ENPP6: variants seen among roughly 807,000 people sequenced by gnomAD.
ENPP6 encodes the protein glycerophosphocholine cholinephosphodiesterase ENPP6.
A neutral mutation model predicts 42.0 loss-of-function variants in ENPP6; 32 were observed. The ratio of observed to expected loss-of-function variants is 0.76; its 90% CI spans 0.58 to 1.02. The LOEUF is 1.02. ENPP6 is among the 50% of genes least tolerant of loss of function. The pLI is 0.00. For missense variants in ENPP6, 552 were observed against 566.8 expected (o/e 0.97, Z 0.27); for synonymous variants, 213 against 216.0 (o/e 0.99, Z 0.12).
chr4:184,159,898 C>T (rs1921567), intron 1 of ENPP6, among the ~76,000 whole-genome samples: 44,998 of 152,048 alleles, frequency 0.3, 8,504 homozygotes, highest in Admixed American at 0.47. Flanking sequence ...TGAGAACATG[C>T]GATATTTGGT....
intron 5 of ENPP6, among the ~76,000 whole-genome samples, chr4:184,116,217 C>T (rs540032518): frequency 6.6e-5 from 10 of 152,090 alleles, no homozygotes; most frequent in Admixed American, 4.6e-4. Flanking sequence ...AGCGAGACTC[C>T]GTCTCAAAAA....
intron 2 of ENPP6, among the ~76,000 whole-genome samples, chr4:184,136,395 T>C (rs1320800419): frequency 6.6e-6 from 1 of 152,142 alleles, no homozygotes; most frequent in African/African-American, 2.4e-5. Context: ...GTATTATTAT[T>C]TATTTAAATT....
intron 1 of ENPP6, among the ~76,000 whole-genome samples, chr4:184,211,739 G>A (rs1733116908): frequency 6.6e-6 from 1 of 151,306 alleles, no homozygotes; most frequent in Non-Finnish European, 1.5e-5. Context: ...CTCATTTTAT[G>A]AGGCCAGCAT....
At position 184,090,655 on chromosome 4, in the gene ENPP6, G is replaced by A. The variant is rs1216390885; in HGVS notation, c.*522C>T. ...ATAAGATGAAAAAATTCCATGAGCT[G>A]GGTCAGAAATAGACAGTAGCTTTTG... is the stretch of plus-strand genomic sequence containing the variant. On this transcript the variant is annotated 3_prime_UTR_variant, in exon 8 of 8. Transcript: ENST00000296741. The A allele has an allele frequency of 4.7e-6, 1 of 211,742 alleles. No homozygotes were observed. Among genetic ancestry groups the A allele is most frequent in the South Asian group, 1.9e-4 (1 of 5,378 alleles). The allele number at this position is 211,742 out of a possible 1,614,324, so 13.1% of individuals were successfully genotyped here. A position where few individuals can be genotyped will look rare whatever the true frequency, so the allele number is the denominator to read the frequency against.
rs185275784 is a variant in ENPP6, at chr4:184,179,638, C to A, written c.242-25905G>T. Among the ~76,000 whole-genome samples, 186 of 151,928 alleles carry A rather than the reference C, an allele frequency of 1.2e-3. 1 individual carries two copies. The highest frequency in any genetic ancestry group is 4.2e-3 in the African/African-American group (174 of 41,440). ...GAAGTAAATCACTTTTCAGCAAATG[C>A]AAAAGAAATGAAATAACAAAAAAAA... On this transcript the variant is annotated intron_variant, in intron 1 of 7. Coordinates refer to ENST00000296741, the MANE Select transcript of ENPP6 (RefSeq NM_153343.4).
At chr4:184,176,412 G>A (rs1227239006) in intron 1 of ENPP6, among the ~76,000 whole-genome samples, 1 of 152,228 alleles carries the variant, frequency 6.6e-6, no homozygotes, top group African/African-American at 2.4e-5. Context: ...TGGAAACGGT[G>A]AGAAGTTAAG....
At chr4:184,122,994 C>A (rs191835415) in intron 3 of ENPP6, among the ~76,000 whole-genome samples, 1 of 152,148 alleles carries the variant, frequency 6.6e-6, no homozygotes, top group African/African-American at 2.4e-5. Context: ...CACTCACGGG[C>A]AATTATTTCT....
intron 2 of ENPP6, among the ~76,000 whole-genome samples, chr4:184,131,201 C>CTTTCTTTCTTTCTTTCTTTCTT (rs376993212): frequency 2.3e-4 from 16 of 70,680 alleles, no homozygotes; most frequent in African/African-American, 9.2e-4. Context: ...TTCTTTCTTT[C>CTTTCTTTCTTTCTTTCTTTCTT]TTCTTTCTTT....
intron 2 of ENPP6, among the ~76,000 whole-genome samples, chr4:184,145,430 T>C (rs571848284): frequency 2.0e-5 from 3 of 152,352 alleles, no homozygotes; most frequent in South Asian, 2.1e-4. Context: ...CAGCGCTCAA[T>C]TGATTTTAAG....
chr4:184,137,904 A>G (rs1273148800), intron 2 of ENPP6, among the ~76,000 whole-genome samples: 1 of 152,196 alleles, frequency 6.6e-6, no homozygotes, highest in African/African-American at 2.4e-5. Flanking sequence ...CTCTTTCTCC[A>G]GGTCTTGGCA....
intron 1 of ENPP6, among the ~76,000 whole-genome samples, chr4:184,191,605 G>A (rs1414608651): frequency 6.6e-6 from 1 of 152,152 alleles, no homozygotes; most frequent in Non-Finnish European, 1.5e-5. Flanking sequence ...TTGACCTCAG[G>A]CAAGGCACTT....
intron 2 of ENPP6, among the ~76,000 whole-genome samples, chr4:184,149,951 T>G (rs1193718556): frequency 1.3e-5 from 2 of 152,110 alleles, no homozygotes; most frequent in Non-Finnish European, 2.9e-5. Context: ...TTGGAGTCTT[T>G]TCCTCACCGC....
At chr4:184,217,139 C>T (rs1733210412) in intron 1 of ENPP6, 1 of 170,442 alleles carries the variant, frequency 5.9e-6, no homozygotes, top group Non-Finnish European at 1.3e-5. Flanking sequence ...CTTTCACAGT[C>T]CAACACACTG....
chr4:184,217,602 G>A lies in ENPP6; in HGVS notation c.218C>T (p.Pro73Leu), dbSNP rs1387048456. 1 of 1,614,174 alleles carries A rather than the reference G, an allele frequency of 6.2e-7. No homozygotes were observed. The highest frequency in any genetic ancestry group is 1.7e-5 in the Admixed American group (1 of 60,028). ...ACCAGTCATTAGGGTATAATAATTG[G>A]GATACGAGAGACTAGGGAAGTCTGG... ...LTPDFPSLSY[P>L]NYYTLMTGRH... Residue 73 changes from proline to leucine, a missense_variant, in exon 1 of 8, where the codon CCC (proline) becomes CTC (leucine). Pro to Leu is a moderately conservative substitution (Grantham distance 98). This residue lies in a region of ENPP6 where 545 missense variants were observed against 546.3 expected (regional missense o/e 1.00). Coordinates refer to ENST00000296741, the MANE Select transcript of ENPP6 (RefSeq NM_153343.4).
chr4:184,204,196 T>G (rs572584260), intron 1 of ENPP6: 2 of 152,324 alleles, frequency 1.3e-5, no homozygotes, highest in African/African-American at 4.8e-5. Flanking sequence ...ATTACTTCTT[T>G]AAAGATCCTA....
At chr4:184,138,859 AT>A (rs1282960622) in intron 2 of ENPP6, among the ~76,000 whole-genome samples, 1 of 152,250 alleles carries the variant, frequency 6.6e-6, no homozygotes, top group Non-Finnish European at 1.5e-5. Context: ...CTTCAAGGTT[AT>A]CCCCCAACTA....
In ENPP6 at chr4:184,153,126, C is replaced by CTTTT. The variant is rs143936726; in HGVS notation, c.421+424_421+427dup. ...TGTGCCCATAAGACATATTTCTTTT[C>CTTTT]TTTTTCTTTTTTTTTCAAGATTGAG... On this transcript the variant is annotated intron_variant, in intron 2 of 7. Transcript: ENST00000296741. Among the ~76,000 whole-genome samples the CTTTT allele has an allele frequency of 2.0e-5, 3 of 146,944 alleles. No homozygotes were observed. The East Asian group carries it at 6.1e-4, about 30-fold the overall frequency.
intron 1 of ENPP6, among the ~76,000 whole-genome samples, chr4:184,162,542 A>G (rs1737279066): frequency 9.4e-6 from 1 of 106,212 alleles, no homozygotes; most frequent in Non-Finnish European, 2.1e-5. Flanking sequence ...AAAGGGAGGG[A>G]GGGAAGAAGG....
chr4:184,153,522 T>C (rs1463025535), intron 2 of ENPP6, 32 bp downstream of exon 2: 4 of 1,587,596 alleles, frequency 2.5e-6, no homozygotes, highest in Non-Finnish European at 3.4e-6. Context: ...CTATGATGAT[T>C]TGAGATTTGG....
Sources: gnomAD v4.1 joint callset for allele counts (sites outside exome capture counted in the v4.1 genomes callset) on GRCh38, gnomAD v4.1.1 for gene constraint, gnomAD v4.1.1 regional missense constraint, MANE v1.5 for transcripts, NCBI Gene and HGNC (gene_info 2026-07-23, HGNC 2026-07-21) for gene names.